HDAC9: variants seen among roughly 807,000 people sequenced by gnomAD.
HDAC9 encodes the protein MEF-2 interacting transcription repressor (MITR) protein.
A neutral mutation model predicts 139.4 loss-of-function variants in HDAC9; 41 were observed. The ratio of observed to expected loss-of-function variants is 0.29; its 90% CI spans 0.23 to 0.38. HDAC9 has a LOEUF of 0.38. Ranked by LOEUF, HDAC9 falls within the 10% of genes least tolerant of loss-of-function variation. The pLI, the probability that HDAC9 is intolerant of heterozygous loss-of-function variation, is 1.00. For missense variants in HDAC9, 1,147 were observed against 1,297.0 expected (o/e 0.88, Z 1.78); for synonymous variants, 517 against 476.2 (o/e 1.09, Z -1.12).
intron 1 of HDAC9, among the ~76,000 whole-genome samples, chr7:18,148,841 T>C (rs1786540826): frequency 6.6e-6 from 1 of 152,158 alleles, no homozygotes; most frequent in Non-Finnish European, 1.5e-5. Flanking sequence ...TTTTAGGTCA[T>C]TTTATTAGCA....
At chr7:18,319,153 C>G (rs557753373) in intron 1 of HDAC9, among the ~76,000 whole-genome samples, 1 of 152,266 alleles carries the variant, frequency 6.6e-6, no homozygotes, top group African/African-American at 2.4e-5. Flanking sequence ...ATGGTTGAAA[C>G]AAAAACACTT....
intron 22 of HDAC9, among the ~76,000 whole-genome samples, chr7:18,891,119 A>G (rs1356031811): frequency 6.6e-6 from 1 of 152,204 alleles, no homozygotes; most frequent in Non-Finnish European, 1.5e-5. Context: ...TTCTGGATCT[A>G]CTATAAACAG....
intron 2 of HDAC9, among the ~76,000 whole-genome samples, chr7:18,228,169 A>G (rs1174726687): frequency 6.6e-6 from 1 of 152,212 alleles, no homozygotes; most frequent in Non-Finnish European, 1.5e-5. Flanking sequence ...ACCTTTAGTC[A>G]CAGACACTTT....
intron 2 of HDAC9, among the ~76,000 whole-genome samples, chr7:18,244,828 A>AATG (rs896638297): frequency 6.0e-5 from 9 of 151,146 alleles, no homozygotes; most frequent in African/African-American, 1.9e-4. Context: ...TAATAATAAT[A>AATG]ATAATAATGT....
chr7:18,551,973 T>C (rs758322470), intron 2 of HDAC9, among the ~76,000 whole-genome samples: 24 of 152,334 alleles, frequency 1.6e-4, no homozygotes, highest in Non-Finnish European at 2.5e-4. Context: ...CATTTGTTAT[T>C]ATCAGCATCT....
chr7:18,363,796 A>T (rs1364235833), intron 1 of HDAC9, among the ~76,000 whole-genome samples: 1 of 152,144 alleles, frequency 6.6e-6, no homozygotes, highest in Admixed American at 6.6e-5. Context: ...GTTGATCTTC[A>T]ATCTCAATTT....
chr7:18,715,841 T>C (rs1784659505), intron 12 of HDAC9, among the ~76,000 whole-genome samples: 1 of 152,182 alleles, frequency 6.6e-6, no homozygotes, highest in Non-Finnish European at 1.5e-5. Context: ...ATGAAAACTA[T>C]AGACTAAATC....
At chr7:18,467,817 TC>T (rs991562839) in intron 1 of HDAC9, among the ~76,000 whole-genome samples, 10 of 152,170 alleles carry the variant, frequency 6.6e-5, no homozygotes, top group African/African-American at 2.2e-4. Context: ...CTCTTCCTGT[TC>T]CGGTATTCCA....
intron 11 of HDAC9, among the ~76,000 whole-genome samples, chr7:18,664,381 T>G (rs565882295): frequency 7.9e-5 from 12 of 152,274 alleles, no homozygotes; most frequent in Middle Eastern, 3.4e-3. Flanking sequence ...TTGTCTGACT[T>G]ACTTTGGTGA....
intron 2 of HDAC9, among the ~76,000 whole-genome samples, chr7:18,559,593 G>A (rs895503187): frequency 1.3e-5 from 2 of 151,982 alleles, no homozygotes; most frequent in South Asian, 2.1e-4. Context: ...CTCTTTGACC[G>A]GTTTTACTGC....
chr7:18,499,128 T>C (rs943518941), intron 2 of HDAC9, among the ~76,000 whole-genome samples: 4 of 152,022 alleles, frequency 2.6e-5, no homozygotes, highest in African/African-American at 9.6e-5. Flanking sequence ...CATTATGTAA[T>C]AAAGGCAAAG....
intron 22 of HDAC9, among the ~76,000 whole-genome samples, chr7:18,901,910 A>G (rs947820795): frequency 3.3e-5 from 5 of 152,196 alleles, no homozygotes; most frequent in Non-Finnish European, 5.9e-5. Flanking sequence ...GCCAGATTCA[A>G]TTTAGTCACA....
intron 1 of HDAC9, among the ~76,000 whole-genome samples, chr7:18,152,103 A>ATTT (rs11398845): frequency 1.4e-5 from 2 of 145,458 alleles, no homozygotes; most frequent in African/African-American, 5.0e-5. Flanking sequence ...GTGCTGTCCC[A>ATTT]TTTTTTTTTT....
intron 1 of HDAC9, among the ~76,000 whole-genome samples, chr7:18,437,552 ATTATATATATATAATCTGAAAGT>A (rs1791323576): frequency 2.7e-5 from 4 of 149,764 alleles, no homozygotes; most frequent in Non-Finnish European, 5.9e-5. Flanking sequence ...TAATCTGGAA[ATTATATATATATAATCTGAAAGT>A]TTATATATAT....
chr7:18,944,219 A>G (rs17140363), intron 23 of HDAC9, among the ~76,000 whole-genome samples: 2,551 of 152,206 alleles, frequency 0.017, 55 homozygotes, highest in African/African-American at 0.058. Flanking sequence ...CTTCATTACA[A>G]TCTGCTTCCC....
intron 1 of HDAC9, among the ~76,000 whole-genome samples, chr7:18,463,997 C>A (rs1417188528): frequency 6.6e-6 from 1 of 151,896 alleles, no homozygotes; most frequent in African/African-American, 2.4e-5. Flanking sequence ...TACTTGAAGT[C>A]ATGTGATTAA....
chr7:18,296,751 G>C (rs1332791148), intron 1 of HDAC9, among the ~76,000 whole-genome samples: 1 of 152,134 alleles, frequency 6.6e-6, no homozygotes, highest in Admixed American at 6.5e-5. Flanking sequence ...TTGGCACCAA[G>C]CGCGGGGGCA....
chr7:18,936,657 A>G (rs1781656876), intron 23 of HDAC9, among the ~76,000 whole-genome samples: 6 of 152,228 alleles, frequency 3.9e-5, no homozygotes, highest in Admixed American at 3.9e-4. Flanking sequence ...AATATTATCC[A>G]TTAATCTATT....
At chr7:18,497,377 G>C (rs1261333522) in intron 2 of HDAC9, among the ~76,000 whole-genome samples, 2 of 152,118 alleles carry the variant, frequency 1.3e-5, no homozygotes, top group African/African-American at 4.8e-5. Flanking sequence ...CCACAGGTTG[G>C]CATGATGTCT....
Sources: allele counts gnomAD v4.1 joint callset (sites outside exome capture counted in the v4.1 genomes callset), GRCh38; gene constraint gnomAD v4.1.1; transcripts MANE v1.5; gene names NCBI Gene and HGNC (gene_info 2026-07-23, HGNC 2026-07-21).